SNTB1: variants seen among roughly 807,000 people sequenced by gnomAD.
SNTB1 encodes the protein syntrophin beta 1, also known as beta-1-syntrophin.
SNTB1 carries 36 observed loss-of-function variants against 48.9 expected under a neutral mutation model. The ratio of observed to expected loss-of-function variants is 0.74; its 90% CI spans 0.56 to 0.97. The LOEUF is 0.97. Ranked by LOEUF, SNTB1 falls within the 50% of genes least tolerant of loss-of-function variation. The pLI is 0.00. For missense variants in SNTB1, 786 were observed against 703.4 expected, an observed-to-expected ratio of 1.12 and a Z score of -1.33; for synonymous variants, 299 against 294.6, an observed-to-expected ratio of 1.01 and a Z score of -0.15.
chr8:120,692,394 C>T (rs1342563038), intron 2 of SNTB1, among the ~76,000 whole-genome samples: 2 of 152,074 alleles, frequency 1.3e-5, no homozygotes, highest in East Asian at 1.9e-4. Context: ...GCCAGTCGAG[C>T]GGTTCCTATT....
intron 6 of SNTB1, among the ~76,000 whole-genome samples, chr8:120,539,633 G>A (rs1437353715): frequency 6.6e-6 from 1 of 152,184 alleles, no homozygotes; most frequent in Non-Finnish European, 1.5e-5. Flanking sequence ...AGTCTGAGCA[G>A]GAGAGTCCTT....
In SNTB1 at chr8:120,611,683, G is replaced by A. The variant is rs149830006; in HGVS notation, c.996+20761C>T. Among the ~76,000 whole-genome samples the A allele has an allele frequency of 9.3e-3, 1,415 of 151,850 alleles. 29 individuals carry two copies. The highest frequency in any genetic ancestry group is 0.033 in the African/African-American group (1,361 of 41,392). On this transcript the variant is annotated intron_variant, in intron 3 of 6. Transcript: ENST00000517992. Reference sequence around the variant, plus strand: ...TAAAAATAGAAAAAATTAGCCGGGCGTGGTGGCGGGTGCCTGTAGTCCCAG... The same window carrying A: ...TAAAAATAGAAAAAATTAGCCGGGCATGGTGGCGGGTGCCTGTAGTCCCAG...
chr8:120,608,575 T>A (rs1226200298), intron 3 of SNTB1, among the ~76,000 whole-genome samples: 1 of 152,180 alleles, frequency 6.6e-6, no homozygotes, highest in Non-Finnish European at 1.5e-5. Flanking sequence ...GCTGGCACCT[T>A]GATCTCAGAC....
intron 1 of SNTB1, among the ~76,000 whole-genome samples, chr8:120,710,717 C>T (rs1231341180): frequency 6.6e-6 from 1 of 152,180 alleles, no homozygotes; most frequent in Non-Finnish European, 1.5e-5. Flanking sequence ...GCAAGGTGCT[C>T]TCTTGACAGC....
At chr8:120,805,465 C>T (rs1478646328) in intron 1 of SNTB1, among the ~76,000 whole-genome samples, 2 of 151,838 alleles carry the variant, frequency 1.3e-5, no homozygotes, top group African/African-American at 4.8e-5. Context: ...GGAATTAGAC[C>T]GCCATTGCAG....
chr8:120,786,192 G>A (rs543862812), intron 1 of SNTB1, among the ~76,000 whole-genome samples: 1 of 152,204 alleles, frequency 6.6e-6, no homozygotes, highest in Non-Finnish European at 1.5e-5. Flanking sequence ...ACTAAGAGGA[G>A]CAGAGGGATT....
intron 1 of SNTB1, among the ~76,000 whole-genome samples, chr8:120,729,052 T>A (rs1818809730): frequency 6.6e-6 from 1 of 151,990 alleles, no homozygotes; most frequent in African/African-American, 2.4e-5. Context: ...CTATCTTGCC[T>A]CACTGCAACT....
rs1391481836 is a variant in SNTB1 at position 120,612,362 on chromosome 8, C to T, written c.996+20082G>A. On this transcript the variant is annotated intron_variant, in intron 3 of 6. Transcript: ENST00000517992. ...AAAGTAGCTTGCCCAGGTCACAAGG[C>T]TAGTAAGTCATAGAACCAAGGGGAC... Among the ~76,000 whole-genome samples the T allele has an allele frequency of 2.6e-5, 4 of 152,132 alleles. No individual in the cohort carries two copies. The East Asian group carries it at 7.7e-4, about 29-fold the overall frequency.
In SNTB1 at chr8:120,548,843, T is replaced by C; in HGVS notation, c.1252A>G (p.Ser418Gly). The C allele has an allele frequency of 6.2e-7, 1 of 1,614,148 alleles. No homozygotes were observed. The highest frequency in any genetic ancestry group is 8.5e-7 in the Non-Finnish European group (1 of 1,180,010). Reference sequence around the variant, plus strand: ...CTTGTCCAGTGGGAGAGGTCCCTGCTGGTCTCTGCTCTGAAGAGATGTGTT... The same window carrying C: ...CTTGTCCAGTGGGAGAGGTCCCTGCCGGTCTCTGCTCTGAAGAGATGTGTT... ...IETHLFRAET[S>G]RDLSHWTRSI... The change falls in exon 5 of 7, where the codon AGC becomes GGC. Residue 418 changes from serine (S) to glycine (G), a missense_variant. Coordinates refer to ENST00000517992, the MANE Select transcript of SNTB1 (RefSeq NM_021021.4).
Position 120,669,493 on chromosome 8 carries a change from C to T in SNTB1, c.788+24199G>A, listed in dbSNP as rs1296030530. ...CGGAGTCTCGCTCTGTCGCCCAGGCCGGACTGCGGACTGCAGTGGCGCAAT... is the reference window on the plus strand; with the variant it reads ...CGGAGTCTCGCTCTGTCGCCCAGGCTGGACTGCGGACTGCAGTGGCGCAAT... On this transcript the variant is annotated intron_variant, in intron 2 of 6. Transcript: ENST00000517992. Among the ~76,000 whole-genome samples, 4 of 35,102 alleles carry T rather than the reference C, an allele frequency of 1.1e-4. 1 individual carries two copies. Among genetic ancestry groups the T allele is most frequent in the African/African-American group, 2.8e-3 (2 of 718 alleles). 23.0% of individuals were successfully genotyped at this position (35,102 alleles called of 152,430 possible). A position where few individuals can be genotyped will look rare whatever the true frequency, so the allele number is the denominator to read the frequency against.
intron 3 of SNTB1, among the ~76,000 whole-genome samples, chr8:120,629,827 C>A (rs566077147): frequency 2.6e-5 from 4 of 152,152 alleles, no homozygotes; most frequent in Non-Finnish European, 5.9e-5. Context: ...ACCTCTGGAA[C>A]GATGATCTGA....
intron 6 of SNTB1, 43 bp from the exon 7 acceptor site, chr8:120,539,012 T>A: frequency 2.0e-6 from 3 of 1,479,020 alleles, no homozygotes; most frequent in Non-Finnish European, 2.8e-6. Context: ...TTTAAATTAA[T>A]GCTTGATGTA....
At chr8:120,809,607 G>A (rs1427186343) in intron 1 of SNTB1, among the ~76,000 whole-genome samples, 5 of 148,440 alleles carry the variant, frequency 3.4e-5, no homozygotes, top group Non-Finnish European at 6.0e-5. Flanking sequence ...CCCGCCTTCC[G>A]CCCCACCCCA....
At chr8:120,554,167 T>C (rs1408435885) in intron 4 of SNTB1, among the ~76,000 whole-genome samples, 1 of 152,184 alleles carries the variant, frequency 6.6e-6, no homozygotes, top group Non-Finnish European at 1.5e-5. Context: ...GAGTTTTCTC[T>C]GGGATCTCCA....
At chr8:120,782,934 T>C (rs1819853892) in intron 1 of SNTB1, among the ~76,000 whole-genome samples, 1 of 152,220 alleles carries the variant, frequency 6.6e-6, no homozygotes, top group African/African-American at 2.4e-5. Context: ...CAACTCTTCA[T>C]GCACTGGTCT....
intron 1 of SNTB1, among the ~76,000 whole-genome samples, chr8:120,704,978 C>G (rs1818357934): frequency 6.6e-6 from 1 of 152,178 alleles, no homozygotes; most frequent in South Asian, 2.1e-4. Context: ...GGATATTAGG[C>G]TCCACTGATA....
At chr8:120,802,020 A>C (rs1478990221) in intron 1 of SNTB1, among the ~76,000 whole-genome samples, 1 of 152,078 alleles carries the variant, frequency 6.6e-6, no homozygotes, top group East Asian at 1.9e-4. Context: ...TTAAGCAATT[A>C]TCTTATTAGA....
At chr8:120,718,305 G>C (rs1307590581) in intron 1 of SNTB1, among the ~76,000 whole-genome samples, 3 of 152,198 alleles carry the variant, frequency 2.0e-5, no homozygotes, top group Non-Finnish European at 4.4e-5. Context: ...AGGGAGCCAC[G>C]TTTACAGGGG....
chr8:120,720,743 G>T (rs982641318), intron 1 of SNTB1, among the ~76,000 whole-genome samples: 12 of 152,164 alleles, frequency 7.9e-5, no homozygotes, highest in African/African-American at 2.9e-4. Context: ...GCAGGATGTT[G>T]GGCTAATCAG....
Sources: gnomAD v4.1 joint callset for allele counts (sites outside exome capture counted in the v4.1 genomes callset) on GRCh38, gnomAD v4.1.1 for gene constraint, MANE v1.5 for transcripts, NCBI Gene and HGNC (gene_info 2026-07-23, HGNC 2026-07-21) for gene names.